CDH8: variants seen among roughly 807,000 people sequenced by gnomAD.
The protein encoded by CDH8 is cadherin 8, also known as cadherin-8.
Under a neutral mutation model 68.1 loss-of-function variants are expected in CDH8, and 17 were observed. That is an observed-to-expected ratio of 0.25 (90% CI 0.17 to 0.37). The LOEUF (loss-of-function observed/expected upper bound fraction) is 0.37. Among genes scored for constraint, CDH8 ranks in the 10% least tolerant of loss-of-function variants. CDH8 has a pLI of 1.00. For missense variants in CDH8, 763 were observed against 999.3 expected (o/e 0.76, Z 3.19); for synonymous variants, 372 against 365.1 (o/e 1.02, Z -0.21).
intron 2 of CDH8, among the ~76,000 whole-genome samples, chr16:61,917,932 A>G (rs184243636): frequency 1.9e-3 from 275 of 147,204 alleles, no homozygotes; most frequent in Admixed American, 0.011. Context: ...GATCTCTAAG[A>G]CTCTTCCCAG....
In CDH8 at chr16:61,647,942, A is replaced by G; in HGVS notation, c.*5666T>C. Reference sequence around the variant, plus strand: ...TCTATTAGTAGGGATACTTGCAAGAAATAATACTTGCATTCAAGATGTGAA... The same window carrying G: ...TCTATTAGTAGGGATACTTGCAAGAGATAATACTTGCATTCAAGATGTGAA... On this transcript the variant is annotated 3_prime_UTR_variant, in exon 12 of 12. Transcript: ENST00000577390. The G allele has an allele frequency of 1.5e-6, 1 of 671,994 alleles. No homozygotes were observed. The highest frequency in any genetic ancestry group is 1.6e-5 in the South Asian group (1 of 62,488). 41.6% of individuals were successfully genotyped at this position (671,994 alleles called of 1,614,324 possible). A position where few individuals can be genotyped will look rare whatever the true frequency, so the allele number is the denominator to read the frequency against.
chr16:61,706,389 G>A (rs1353491366), intron 10 of CDH8, among the ~76,000 whole-genome samples: 3 of 151,996 alleles, frequency 2.0e-5, no homozygotes, highest in African/African-American at 7.2e-5. Flanking sequence ...AGGCCGAGGC[G>A]GGCGGATCAC....
Position 61,655,549 on chromosome 16 carries a change from A to T in CDH8, c.1827T>A (p.Asn609Lys), listed in dbSNP as rs201367392. The T allele has an allele frequency of 7.6e-5, 122 of 1,614,140 alleles. 1 individual carries two copies. Among genetic ancestry groups the T allele is most frequent in the Middle Eastern group, 6.6e-4 (4 of 6,062 alleles). Residue 609 changes from asparagine (N) to lysine (K), a missense_variant, in exon 11 of 12, where the codon AAT (asparagine) becomes AAA (lysine). Transcript: ENST00000577390. ...CSNDGVVQSC[N>K]VEAYVLPIGL... ...CAATTGGAAGGACATAAGCTTCGAC[A>T]TTGCAAGACTGGACGACACCGTCAT...
chr16:61,820,959 G>C lies in CDH8; in HGVS notation c.990C>G (p.Ala330=). 1 of 1,612,052 alleles carries C rather than the reference G, an allele frequency of 6.2e-7. No homozygotes were observed. ...GTALFEITSD[A]QAQDGIIRLR... is the part of the protein sequence containing the mutation. ...GCCTTATAATGCCATCCTGGGCCTGGGCATCAGAAGTGATTTCAAAAAGTG... is the reference window on the plus strand; with the variant it reads ...GCCTTATAATGCCATCCTGGGCCTGCGCATCAGAAGTGATTTCAAAAAGTG... Residue 330 remains alanine, a synonymous_variant, in exon 6 of 12, where the codon GCC becomes GCG. Coordinates refer to ENST00000577390, the MANE Select transcript of CDH8 (RefSeq NM_001796.5).
intron 2 of CDH8, among the ~76,000 whole-genome samples, chr16:61,979,106 C>T (rs956816665): frequency 1.3e-5 from 2 of 151,082 alleles, no homozygotes; most frequent in East Asian, 1.9e-4. Context: ...AAAGCCAGAG[C>T]CAGAAACAAC....
chr16:61,780,126 C>T (rs1330337430), intron 8 of CDH8, among the ~76,000 whole-genome samples: 2 of 152,096 alleles, frequency 1.3e-5, no homozygotes, highest in Non-Finnish European at 2.9e-5. Context: ...TTAAAAGCAT[C>T]GAAGGGCTTT....
At chr16:61,836,177 T>C (rs1962564523) in intron 4 of CDH8, among the ~76,000 whole-genome samples, 1 of 151,982 alleles carries the variant, frequency 6.6e-6, no homozygotes, top group Admixed American at 6.6e-5. Context: ...CAATCAGACA[T>C]GATCAATCAG....
chr16:61,843,313 G>A (rs1219998568), intron 4 of CDH8, among the ~76,000 whole-genome samples: 1 of 152,210 alleles, frequency 6.6e-6, no homozygotes, highest in Non-Finnish European at 1.5e-5. Flanking sequence ...GCCCTTCAGT[G>A]ACATTTCTCA....
intron 2 of CDH8, among the ~76,000 whole-genome samples, chr16:61,938,776 G>C (rs1964666242): frequency 6.6e-6 from 1 of 152,160 alleles, no homozygotes; most frequent in South Asian, 2.1e-4. Context: ...CATGCAGTAG[G>C]CTGCCTGGGT....
At chr16:61,768,446 C>T (rs534736457) in intron 8 of CDH8, among the ~76,000 whole-genome samples, 37 of 146,278 alleles carry the variant, frequency 2.5e-4, no homozygotes, top group African/African-American at 8.1e-4. Flanking sequence ...CTCTCTCTCT[C>T]GCAGTGCCTG....
At chr16:61,673,177 T>G (rs959836349) in intron 10 of CDH8, among the ~76,000 whole-genome samples, 5 of 152,136 alleles carry the variant, frequency 3.3e-5, no homozygotes, top group African/African-American at 1.2e-4. Flanking sequence ...CTCTCTTATC[T>G]TAATGTGTAG....
chr16:61,960,007 T>C (rs1190512765), intron 2 of CDH8, among the ~76,000 whole-genome samples: 1 of 83,176 alleles, frequency 1.2e-5, no homozygotes, highest in African/African-American at 8.2e-5. Flanking sequence ...TATATATATA[T>C]ATATATATAC....
intron 2 of CDH8, among the ~76,000 whole-genome samples, chr16:61,951,587 A>T (rs995062597): frequency 2.0e-5 from 3 of 151,238 alleles, no homozygotes; most frequent in Admixed American, 6.6e-5. Context: ...TAATTTTTTT[A>T]AAAAACTGTC....
intron 4 of CDH8, among the ~76,000 whole-genome samples, chr16:61,851,700 GC>G: frequency 6.6e-6 from 1 of 152,024 alleles, no homozygotes; most frequent in East Asian, 1.9e-4. Context: ...ACTATTTTCA[GC>G]CTTTTGAAGT....
At chr16:61,983,262 T>G (rs573940950) in intron 2 of CDH8, among the ~76,000 whole-genome samples, 20 of 152,342 alleles carry the variant, frequency 1.3e-4, no homozygotes, top group Admixed American at 3.3e-4. Flanking sequence ...AGATTCACCA[T>G]TGTTGATGCT....
intron 7 of CDH8, among the ~76,000 whole-genome samples, chr16:61,800,616 C>G (rs1477626155): frequency 6.6e-6 from 1 of 152,176 alleles, no homozygotes; most frequent in Non-Finnish European, 1.5e-5. Context: ...TCATCCCAAA[C>G]TTGATTTGTC....
chr16:61,867,497 G>A (rs1963278828), intron 3 of CDH8, among the ~76,000 whole-genome samples: 1 of 152,146 alleles, frequency 6.6e-6, no homozygotes, highest in Admixed American at 6.5e-5. Flanking sequence ...TTTTTGGTAT[G>A]AGGGGACTTT....
intron 7 of CDH8, among the ~76,000 whole-genome samples, chr16:61,798,639 A>G (rs1961550991): frequency 1.3e-5 from 2 of 152,174 alleles, no homozygotes; most frequent in Non-Finnish European, 2.9e-5. Flanking sequence ...AGATCAAAGG[A>G]TAAGAGATGA....
intron 3 of CDH8, among the ~76,000 whole-genome samples, chr16:61,894,945 A>C (rs925835988): frequency 2.6e-5 from 4 of 152,148 alleles, no homozygotes; most frequent in African/African-American, 9.6e-5. Context: ...TGCATTTGCT[A>C]CCAAGAAACC....
Sources: gnomAD v4.1 joint callset for allele counts (sites outside exome capture counted in the v4.1 genomes callset) on GRCh38, gnomAD v4.1.1 for gene constraint, MANE v1.5 for transcripts, NCBI Gene and HGNC (gene_info 2026-07-23, HGNC 2026-07-21) for gene names.